Variants in PCNT observed in about 807,000 individuals in gnomAD.
PCNT encodes kendrin.
PCNT carries 319 observed loss-of-function variants against 380.4 expected under a neutral mutation model. The observed-to-expected ratio is 0.84, with a 90% CI of 0.77 to 0.92. The LOEUF is 0.92. Among genes scored for constraint, PCNT ranks in the 40% least tolerant of loss-of-function variants. PCNT has a pLI of 0.00. For missense variants in PCNT, 4,400 were observed against 4,255.3 expected (o/e 1.03, Z -0.95); for synonymous variants, 1,845 against 1,735.2 (o/e 1.06, Z -1.57).
At chr21:46,369,585 T>C in intron 15 of PCNT, among the ~76,000 whole-genome samples, 1 of 152,214 alleles carries the variant, frequency 6.6e-6, no homozygotes, top group East Asian at 1.9e-4. Flanking sequence ...GTTTTCTTGG[T>C]TTGTTTGGTT....
rs1359618876 is a variant in PCNT, at chr21:46,390,709, G to T, written c.3880G>T (p.Glu1294Ter). 3.7e-6 allele frequency: 6 copies of T among 1,613,984 alleles called. No homozygotes were observed. In the African/African-American group the frequency reaches 6.7e-5, roughly 18 times the overall value. The change falls in exon 20 of 47, where the codon GAA (glutamate) becomes TAA (stop). Residue 1294 changes from glutamate to a stop codon, truncating the protein, a stop_gained. Transcript: ENST00000359568. LOFTEE classifies it high-confidence loss of function. ...ARQIHSRFEKEFSFKNEETAQ... is the reference protein window; with the variant it reads ...ARQIHSRFEK ...CCAAATTCATTCTCGTTTTGAAAAAGAATTTAGTTTTAAGAATGAGGAGAC... is the reference window on the plus strand; with the variant it reads ...CCAAATTCATTCTCGTTTTGAAAAATAATTTAGTTTTAAGAATGAGGAGAC...
chr21:46,334,817 T>C, intron 3 of PCNT, 49 bp downstream of exon 3: 1 of 1,613,880 alleles, frequency 6.2e-7, no homozygotes, highest in Non-Finnish European at 8.5e-7. Flanking sequence ...AAAAGATTTC[T>C]TTATGTTGTA....
At position 46,369,706 on chromosome 21, in the gene PCNT, C is replaced by T. The variant is rs577092843; in HGVS notation, c.3165+2567C>T. Among the ~76,000 whole-genome samples, 65 of 152,360 alleles carry T rather than the reference C, an allele frequency of 4.3e-4. No individual in the cohort carries two copies. In the Middle Eastern group the frequency reaches 0.01, roughly 24 times the overall value. On this transcript the variant is annotated intron_variant, in intron 15 of 46. Transcript: ENST00000359568. ...ATTTAGTCAGAGGAAGCATGTGGAG[C>T]GTGTGCACCTTCTGTGCCCTGTGTG...
At chr21:46,433,331 C>T (rs1383521462) in intron 38 of PCNT, among the ~76,000 whole-genome samples, 3 of 152,210 alleles carry the variant, frequency 2.0e-5, no homozygotes, top group Non-Finnish European at 4.4e-5. Context: ...TGCAGTGAGC[C>T]GGGATTGCAC....
chr21:46,341,039 A>G (rs1184664973), intron 3 of PCNT, among the ~76,000 whole-genome samples: 3 of 146,268 alleles, frequency 2.1e-5, no homozygotes, highest in African/African-American at 7.7e-5. Context: ...GTGTGCCACC[A>G]TATCCGGCTG....
At chr21:46,383,782 T>G (rs1367268994) in intron 16 of PCNT, among the ~76,000 whole-genome samples, 6 of 123,632 alleles carry the variant, frequency 4.9e-5, no homozygotes, top group African/African-American at 8.8e-5. Context: ...ATTCACGGTG[T>G]TGTGCGTTCA....
chr21:46,326,732 G>A, intron 2 of PCNT, 143 bp downstream of exon 2: 3 of 965,324 alleles, frequency 3.1e-6, no homozygotes, highest in Admixed American at 2.0e-5. Context: ...AAAAAGTGAG[G>A]GCCGGGTGCA....
chr21:46,351,545 G>A lies in PCNT; in HGVS notation c.1456+5G>A. 9 of 1,527,544 alleles carry A rather than the reference G, an allele frequency of 5.9e-6. No individual in the cohort carries two copies. The highest frequency in any genetic ancestry group is 8.2e-6 in the Non-Finnish European group (9 of 1,101,008). 94.6% of individuals were successfully genotyped at this position (1,527,544 alleles called of 1,614,324 possible). A position where few individuals can be genotyped will look rare whatever the true frequency, so the allele number is the denominator to read the frequency against. ...CCAGTAGACAGGAATTGAGTGGTGA[G>A]GAATTGTATTGGAAAATTCAGATCC... On this transcript the variant is annotated splice_donor_5th_base_variant and intron_variant, in intron 9 of 46. Transcript: ENST00000359568.
At chr21:46,415,549 T>G (rs1183644306) in intron 29 of PCNT, among the ~76,000 whole-genome samples, 1 of 151,928 alleles carries the variant, frequency 6.6e-6, no homozygotes. Flanking sequence ...CATGCCTGGC[T>G]AATTTTTGTA....
intron 13 of PCNT, 108 bp from the exon 14 acceptor site, chr21:46,363,372 G>A: frequency 1.2e-6 from 1 of 800,330 alleles, no homozygotes; most frequent in Non-Finnish European, 2.2e-6. Flanking sequence ...CGTAATGGGT[G>A]TGTGTGTGGT....
At chr21:46,394,789 A>G (rs563050772) in intron 21 of PCNT, among the ~76,000 whole-genome samples, 1 of 152,324 alleles carries the variant, frequency 6.6e-6, no homozygotes, top group Non-Finnish European at 1.5e-5. Context: ...TCAGAAACTG[A>G]TGTCTTGTGA....
rs914247814 is a variant in PCNT at position 46,399,882 on chromosome 21, G to C, written c.4791+86G>C. The C allele has an allele frequency of 1.8e-5, 21 of 1,182,420 alleles. No individual in the cohort carries two copies. In the Admixed American group the frequency reaches 2.5e-4, roughly 14 times the overall value. The allele number at this position is 1,182,420 out of a possible 1,614,324, so 73.2% of individuals were successfully genotyped here. A position where few individuals can be genotyped will look rare whatever the true frequency, so the allele number is the denominator to read the frequency against. On this transcript the variant is annotated intron_variant, in intron 25 of 46. Transcript: ENST00000359568. ...TCGCTGAGCTGGCAGGGAGTGGGCA[G>C]GGCGTCCTTCTTCACTGGCAGCCAC...
At chr21:46,355,393 A>G in intron 11 of PCNT, 59 bp from the exon 12 acceptor site, 3 of 1,548,410 alleles carry the variant, frequency 1.9e-6, no homozygotes, top group Middle Eastern at 1.7e-4. Flanking sequence ...TGAGGGTTAT[A>G]GCTGCGAGCG....
intron 32 of PCNT, among the ~76,000 whole-genome samples, chr21:46,424,269 G>A (rs1329375286): frequency 6.6e-6 from 1 of 152,218 alleles, no homozygotes; most frequent in Non-Finnish European, 1.5e-5. Flanking sequence ...GCCATAAGTG[G>A]GCAGGGTAGG....
At chr21:46,351,714 G>GGAGA (rs1438717473) in intron 9 of PCNT, among the ~76,000 whole-genome samples, 174 bp downstream of exon 9, 7 of 152,214 alleles carry the variant, frequency 4.6e-5, no homozygotes, top group Non-Finnish European at 7.3e-5. Flanking sequence ...TTGCTTTGTG[G>GGAGA]GAGAGAGCCC....
At position 46,416,780 on chromosome 21, in the gene PCNT, G is replaced by A. The variant is rs764153267; in HGVS notation, c.6862G>A (p.Ala2288Thr). The change falls in exon 30 of 47, where the codon GCA becomes ACA. Residue 2288 changes from alanine to threonine, a missense_variant. By Grantham distance (58) the Ala-to-Thr change is moderately conservative (BLOSUM62 0). Coordinates refer to ENST00000359568, the MANE Select transcript of PCNT (RefSeq NM_006031.6). The part of the protein sequence containing the change: ...CSPGVSAAAL[A>T]LQWAESPPAD... ...CCCAGGCGTGTCTGCAGCAGCGCTG[G>A]CACTGCAGTGGGCCGAGTCTCCGCC... is the stretch of plus-strand genomic sequence containing the variant. 2 of 1,602,990 alleles carry A rather than the reference G, an allele frequency of 1.2e-6. No homozygotes were observed. The highest frequency in any genetic ancestry group is 1.7e-6 in the Non-Finnish European group (2 of 1,178,826).
intron 13 of PCNT, among the ~76,000 whole-genome samples, chr21:46,357,927 G>A (rs1021208102): frequency 2.6e-5 from 4 of 152,252 alleles, no homozygotes; most frequent in Non-Finnish European, 5.9e-5. Flanking sequence ...CGCCCTTTGC[G>A]AGTGTGAGGA....
chr21:46,339,929 C>T (rs967013046), intron 3 of PCNT, among the ~76,000 whole-genome samples: 5 of 152,128 alleles, frequency 3.3e-5, no homozygotes, highest in Non-Finnish European at 5.9e-5. Context: ...CCAGTATCTC[C>T]ATCATACCTT....
chr21:46,360,761 G>A (rs948245304), intron 13 of PCNT, among the ~76,000 whole-genome samples: 10 of 151,286 alleles, frequency 6.6e-5, no homozygotes, highest in South Asian at 2.1e-4. Context: ...TTCCCGATCC[G>A]CCCACCTCGG....
Sources: gnomAD v4.1 joint callset for allele counts (sites outside exome capture counted in the v4.1 genomes callset) on GRCh38, gnomAD v4.1.1 for gene constraint, MANE v1.5 for transcripts, NCBI Gene and HGNC (gene_info 2026-07-23, HGNC 2026-07-21) for gene names.